The following AUTS2 variants were observed in gnomAD, a reference collection of about 807,000 sequenced individuals.
AUTS2 encodes activator of transcription and developmental regulator AUTS2, also known as autism susceptibility gene 2 protein.
A neutral mutation model predicts 112.4 loss-of-function variants in AUTS2; 17 were observed. The observed-to-expected ratio is 0.15, with a 90% CI of 0.10 to 0.23. The LOEUF is 0.23. Among genes scored for constraint, AUTS2 ranks in the 10% least tolerant of loss-of-function variants. AUTS2 has a pLI of 1.00. For missense variants in AUTS2, 1,510 were observed against 1,701.6 expected (o/e 0.89, Z 1.98); for synonymous variants, 751 against 702.7 (o/e 1.07, Z -1.09).
intron 17 of AUTS2, 90 bp from the exon 18 acceptor site, chr7:70,787,119 T>C (rs963219847): frequency 6.1e-6 from 7 of 1,147,558 alleles, no homozygotes; most frequent in Non-Finnish European, 7.7e-6. Context: ...TAACTCTGAA[T>C]GCTGTTAAAA....
intron 4 of AUTS2, among the ~76,000 whole-genome samples, chr7:70,415,126 G>C (rs905834886): frequency 1.3e-5 from 2 of 152,168 alleles, no homozygotes; most frequent in Non-Finnish European, 2.9e-5. Context: ...TTCTCAAAGA[G>C]CCCCACCTCA....
chr7:69,867,357 A>G (rs1793283068), intron 1 of AUTS2, among the ~76,000 whole-genome samples: 1 of 152,200 alleles, frequency 6.6e-6, no homozygotes, highest in Admixed American at 6.6e-5. Flanking sequence ...GTCACTGAGC[A>G]GTATACTTGT....
In AUTS2 at chr7:70,757,094, A is replaced by G. The variant is rs1165721021; in HGVS notation, c.743-5776A>G. 2.0e-5 allele frequency among the ~76,000 whole-genome samples: 3 copies of G among 152,224 alleles called. No individual in the cohort carries two copies. The East Asian group carries it at 5.8e-4, about 29-fold the overall frequency. ...TATCCTCCAATGGGAACTATCTATT[A>G]CGTGACTGACTTAGTTCGCGCTTTT... On this transcript the variant is annotated intron_variant, in intron 6 of 18. Coordinates refer to ENST00000342771, the MANE Select transcript of AUTS2 (RefSeq NM_015570.4).
chr7:70,720,957 A>G (rs553586382), intron 6 of AUTS2, among the ~76,000 whole-genome samples: 38 of 152,246 alleles, frequency 2.5e-4, no homozygotes, highest in Admixed American at 4.6e-4. Flanking sequence ...TATTTCAGGT[A>G]ACATACAAAC....
chr7:69,756,274 G>A (rs1376361689), intron 1 of AUTS2, among the ~76,000 whole-genome samples: 1 of 152,212 alleles, frequency 6.6e-6, no homozygotes, highest in Admixed American at 6.5e-5. Context: ...ATTATAGGGT[G>A]GGAAAGAAAT....
intron 1 of AUTS2, among the ~76,000 whole-genome samples, chr7:69,635,074 G>A (rs574219023): frequency 6.6e-6 from 1 of 151,918 alleles, no homozygotes; most frequent in African/African-American, 2.4e-5. Flanking sequence ...TGGTCCCCAT[G>A]TGTATTGAAC....
At chr7:69,894,705 T>C (rs954394726) in intron 1 of AUTS2, among the ~76,000 whole-genome samples, 1 of 152,146 alleles carries the variant, frequency 6.6e-6, no homozygotes, top group Non-Finnish European at 1.5e-5. Flanking sequence ...GTGTTTCTGG[T>C]GATAATGTTT....
intron 5 of AUTS2, among the ~76,000 whole-genome samples, chr7:70,655,637 C>T (rs1159163118): frequency 6.6e-6 from 1 of 152,182 alleles, no homozygotes; most frequent in Non-Finnish European, 1.5e-5. Flanking sequence ...CTTCTTGGGA[C>T]CTGCTTGCTT....
intron 6 of AUTS2, among the ~76,000 whole-genome samples, chr7:70,706,011 G>A (rs1809718469): frequency 1.3e-5 from 2 of 152,206 alleles, no homozygotes; most frequent in African/African-American, 4.8e-5. Flanking sequence ...TGTCCCATGT[G>A]CAGTTTCTAT....
intron 1 of AUTS2, among the ~76,000 whole-genome samples, chr7:69,817,326 C>T (rs536067975): frequency 2.9e-4 from 44 of 152,194 alleles, no homozygotes; most frequent in Non-Finnish European, 5.7e-4. Context: ...TTGCCTCTAC[C>T]CCTATTTGGT....
chr7:70,498,217 G>A (rs1039182775), intron 5 of AUTS2, among the ~76,000 whole-genome samples: 2 of 152,196 alleles, frequency 1.3e-5, no homozygotes, highest in Non-Finnish European at 2.9e-5. Context: ...GGCATGCGTT[G>A]CCTTCCTGAA....
In AUTS2 at chr7:70,164,231, G is replaced by A. The variant is rs1032694715; in HGVS notation, c.660+29660G>A. On this transcript the variant is annotated intron_variant, in intron 4 of 18. Transcript: ENST00000342771. Reference sequence around the variant, plus strand: ...TTACATCTTACACTTGTAAGATGTAGTTGTTATAAGTAGATGTAATTGTTA... The same window carrying A: ...TTACATCTTACACTTGTAAGATGTAATTGTTATAAGTAGATGTAATTGTTA... Among the ~76,000 whole-genome samples, 5 of 152,264 alleles carry A rather than the reference G, an allele frequency of 3.3e-5. No homozygotes were observed. In the East Asian group the frequency reaches 5.8e-4, roughly 18 times the overall value.
chr7:70,469,876 G>T (rs2115846599), intron 5 of AUTS2, among the ~76,000 whole-genome samples: 1 of 152,300 alleles, frequency 6.6e-6, no homozygotes, highest in Non-Finnish European at 1.5e-5. Context: ...CTGACCTCAG[G>T]TGATCCGCCT....
At chr7:70,184,898 A>AT (rs1197726009) in intron 4 of AUTS2, among the ~76,000 whole-genome samples, 2 of 152,124 alleles carry the variant, frequency 1.3e-5, no homozygotes, top group Admixed American at 6.6e-5. Context: ...CGAAGGCTAT[A>AT]TTTTGGCTTA....
chr7:70,778,572 A>T (rs961944965), intron 14 of AUTS2, among the ~76,000 whole-genome samples: 6 of 68,232 alleles, frequency 8.8e-5, no homozygotes, highest in South Asian at 5.5e-4. Context: ...TCTCATCTCT[A>T]AAAAAAAAAA....
At position 70,460,032 on chromosome 7, in the gene AUTS2, T is replaced by G. The variant is rs893064426; in HGVS notation, c.690+24251T>G. Among the ~76,000 whole-genome samples the G allele has an allele frequency of 4.1e-4, 63 of 152,260 alleles. 1 individual carries two copies. Among genetic ancestry groups the G allele is most frequent in the African/African-American group, 1.4e-3 (58 of 41,544 alleles). On this transcript the variant is annotated intron_variant, in intron 5 of 18. Transcript: ENST00000342771. ...AGGCCCCCAATAGACGTTACTTCAT[T>G]CAGTCATCCCCACAGCCCCGGGAGG...
At chr7:70,733,470 A>C (rs1410221904) in intron 6 of AUTS2, among the ~76,000 whole-genome samples, 1 of 152,210 alleles carries the variant, frequency 6.6e-6, no homozygotes, top group Non-Finnish European at 1.5e-5. Context: ...CATACAGAAA[A>C]GTGAAGATCA....
chr7:70,246,157 C>T (rs1298769860), intron 4 of AUTS2, among the ~76,000 whole-genome samples: 3 of 151,994 alleles, frequency 2.0e-5, no homozygotes, highest in Non-Finnish European at 4.4e-5. Context: ...GGTTTATCAG[C>T]GCATTCTGTT....
intron 1 of AUTS2, among the ~76,000 whole-genome samples, chr7:69,847,345 A>G (rs1792251028): frequency 6.6e-6 from 1 of 152,232 alleles, no homozygotes; most frequent in Non-Finnish European, 1.5e-5. Flanking sequence ...TCACAAAGTC[A>G]TATGGTAAAT....
Sources: gnomAD v4.1 joint callset for allele counts (sites outside exome capture counted in the v4.1 genomes callset) on GRCh38, gnomAD v4.1.1 for gene constraint, MANE v1.5 for transcripts, NCBI Gene and HGNC (gene_info 2026-07-23, HGNC 2026-07-21) for gene names.